Variants in STS observed in about 807,000 individuals in gnomAD.
STS encodes steryl-sulfatase.
In STS, 7 loss-of-function variants were observed where a neutral mutation model predicts 26.8. The observed-to-expected ratio is 0.26, with a 90% CI of 0.15 to 0.49. The LOEUF (loss-of-function observed/expected upper bound fraction) is 0.49. STS is among the 20% of genes least tolerant of loss of function. The probability of loss-of-function intolerance (pLI) is 0.98; values close to 1 mark genes in which losing one functional copy is unlikely to be tolerated. For missense variants in STS, 434 were observed against 465.6 expected, an observed-to-expected ratio of 0.93 and a Z score of 0.63; for synonymous variants, 199 against 189.4, an observed-to-expected ratio of 1.05 and a Z score of -0.42.
intron 2 of STS, among the ~76,000 whole-genome samples, chrX:7,236,162 C>A (rs1244940119): frequency 1.8e-5 from 2 of 111,490 alleles, no homozygotes; most frequent in African/African-American, 3.3e-5. Context: ...AGTTATAAAA[C>A]CCCCATTGCA....
intron 3 of STS, among the ~76,000 whole-genome samples, chrX:7,255,646 A>G (rs1923371758): frequency 1.8e-5 from 2 of 112,000 alleles, no homozygotes; most frequent in East Asian, 2.8e-4. Context: ...TCATTTTTAT[A>G]TTTTGTAATA....
intron 2 of STS, among the ~76,000 whole-genome samples, chrX:7,229,424 G>A (rs1230316226): frequency 9.0e-6 from 1 of 111,669 alleles, no homozygotes; most frequent in East Asian, 2.8e-4. Context: ...TTGGGTTTTT[G>A]AAGGGTCCTC....
At chrX:7,222,528 CAAAA>C (rs770658761) in intron 2 of STS, among the ~76,000 whole-genome samples, 3 of 39,423 alleles carry the variant, frequency 7.6e-5, no homozygotes, top group Non-Finnish European at 1.3e-4. Context: ...CCCTCAGCTG[CAAAA>C]AAAAAAAAAA....
At chrX:7,304,998 G>C (rs1926143899) in intron 7 of STS, 48 bp from the exon 8 acceptor site, 1 of 1,201,253 alleles carries the variant, frequency 8.3e-7, no homozygotes. Context: ...ATCTCCATTT[G>C]CTTTATGAAT....
intron 7 of STS, among the ~76,000 whole-genome samples, chrX:7,284,575 A>G (rs886776004): frequency 8.9e-6 from 1 of 112,557 alleles, no homozygotes; most frequent in Non-Finnish European, 1.9e-5. Flanking sequence ...TTCCGCAGCA[A>G]TGGTTGGATG....
In STS at chrX:7,181,054, C is replaced by A. The variant is rs140200010; in HGVS notation, c.-133-9826C>A. On this transcript the variant is annotated intron_variant, in intron 1 of 10. Coordinates refer to ENST00000674429, the MANE Select transcript of STS (RefSeq NM_001320752.2). ...CTTCTTGTTTTGGTAGGCAGGGCCG[C>A]TATGTCTGCTCACCAGGGAATATGG... Among the ~76,000 whole-genome samples, 366 of 112,173 alleles carry A rather than the reference C, an allele frequency of 3.3e-3. 1 individual carries two copies. The highest frequency in any genetic ancestry group is 5.8e-3 in the Non-Finnish European group (308 of 53,282).
intron 10 of STS, among the ~76,000 whole-genome samples, chrX:7,335,083 T>G (rs1426480866): frequency 8.9e-6 from 1 of 112,650 alleles, no homozygotes; most frequent in Non-Finnish European, 1.9e-5. Context: ...TGCATGTGTC[T>G]TTATAGCAGC....
chrX:7,278,763 A>T (rs1181912265), intron 7 of STS, among the ~76,000 whole-genome samples: 2 of 111,665 alleles, frequency 1.8e-5, no homozygotes, highest in African/African-American at 6.5e-5. Flanking sequence ...ACATGATTTT[A>T]ATCATCAGAG....
At position 7,257,266 on chromosome X, in the gene STS, C is replaced by T; in HGVS notation, c.162C>T (p.Ala54=). The change falls in exon 4 of 11, where the codon GCC becomes GCT. Residue 54 remains alanine (A), a synonymous_variant. Coordinates refer to ENST00000674429, the MANE Select transcript of STS (RefSeq NM_001320752.2). The part of the protein sequence containing the change: ...TIRTPNIDRL[A]SGGVKLTQHL... ...GGACTCCCAATATCGACCGGTTGGCCAGTGGGGGAGTGAAACTCACTCAGC... is the reference window on the plus strand; with the variant it reads ...GGACTCCCAATATCGACCGGTTGGCTAGTGGGGGAGTGAAACTCACTCAGC... The T allele has an allele frequency of 8.3e-7, 1 of 1,211,167 alleles. No homozygotes were observed. The highest frequency in any genetic ancestry group is 1.1e-6 in the Non-Finnish European group (1 of 895,228).
intron 1 of STS, among the ~76,000 whole-genome samples, chrX:7,173,673 G>T (rs1381063878): frequency 8.9e-6 from 1 of 112,168 alleles, no homozygotes; most frequent in African/African-American, 3.2e-5. Context: ...GTTTTGATTT[G>T]CATTTCTCTA....
At chrX:7,304,903 C>A in intron 7 of STS, 143 bp from the exon 8 acceptor site, 1 of 687,139 alleles carries the variant, frequency 1.5e-6, no homozygotes, top group Non-Finnish European at 2.2e-6. Context: ...TTGATTGCAT[C>A]ACGTCTCATG....
chrX:7,325,060 G>T (rs1172744267), intron 8 of STS, among the ~76,000 whole-genome samples: 1 of 111,721 alleles, frequency 9.0e-6, no homozygotes, highest in South Asian at 3.8e-4. Flanking sequence ...TGAATCTTTG[G>T]TGACTCAAAT....
At chrX:7,152,157 T>A (rs1933029243) in intron 1 of STS, among the ~76,000 whole-genome samples, 2 of 109,809 alleles carry the variant, frequency 1.8e-5, no homozygotes, top group Admixed American at 1.9e-4. Context: ...TTTCACCATG[T>A]TAGCCAGGAT....
At chrX:7,275,929 C>CTTTTTTTTTTTTT in intron 6 of STS, 22 bp from the exon 7 acceptor site, 1 of 1,077,990 alleles carries the variant, frequency 9.3e-7, no homozygotes, top group Non-Finnish European at 1.2e-6. Context: ...TTTTTCCTCC[C>CTTTTTTTTTTTTT]TTTTTTTTTT....
intron 2 of STS, among the ~76,000 whole-genome samples, chrX:7,192,914 G>A (rs1283110748): frequency 8.9e-6 from 1 of 112,520 alleles, no homozygotes; most frequent in South Asian, 3.7e-4. Flanking sequence ...TCACAAATCC[G>A]AAATGTCGTG....
chrX:7,188,952 A>G (rs1569184181), intron 1 of STS, among the ~76,000 whole-genome samples: 1 of 111,060 alleles, frequency 9.0e-6, no homozygotes, highest in Non-Finnish European at 1.9e-5. Flanking sequence ...ATTCCATTTC[A>G]ACAAGAATCT....
chrX:7,180,711 G>C (rs1933664164), intron 1 of STS, among the ~76,000 whole-genome samples: 1 of 112,273 alleles, frequency 8.9e-6, no homozygotes, highest in Non-Finnish European at 1.9e-5. Context: ...TGTAGTGTGG[G>C]GGAGTGGAAA....
At chrX:7,260,186 G>A (rs752670594) in intron 6 of STS, among the ~76,000 whole-genome samples, 7 of 111,833 alleles carry the variant, frequency 6.3e-5, no homozygotes, top group Non-Finnish European at 1.3e-4. Context: ...GAACTGGTAG[G>A]GTTATTATGC....
At chrX:7,180,532 G>C (rs1473974808) in intron 1 of STS, among the ~76,000 whole-genome samples, 6 of 111,962 alleles carry the variant, frequency 5.4e-5, no homozygotes, top group South Asian at 3.8e-4. Context: ...CCATGGACCA[G>C]TACCAGTCTG....
Sources: gnomAD v4.1 joint callset for allele counts (sites outside exome capture counted in the v4.1 genomes callset) on GRCh38, gnomAD v4.1.1 for gene constraint, MANE v1.5 for transcripts, NCBI Gene and HGNC (gene_info 2026-07-23, HGNC 2026-07-21) for gene names.